The following VLDLR variants were observed in gnomAD, a reference collection of about 807,000 sequenced individuals.
The protein encoded by VLDLR is very low density lipoprotein receptor, also known as very low-density lipoprotein receptor.
In VLDLR, 81 loss-of-function variants were observed where a neutral mutation model predicts 112.7. That is an observed-to-expected ratio of 0.72 (90% CI 0.60 to 0.86). VLDLR has a LOEUF of 0.86. Ranked by LOEUF, VLDLR falls within the 40% of genes least tolerant of loss-of-function variation. The probability of loss-of-function intolerance (pLI) is 0.00; values close to 1 mark genes in which losing one functional copy is unlikely to be tolerated. For missense variants in VLDLR, 1,237 were observed against 1,099.4 expected (o/e 1.13, Z -1.77); for synonymous variants, 436 against 384.8 (o/e 1.13, Z -1.56).
rs1818717610 is a variant in VLDLR at position 2,659,271 on chromosome 9, T to C, written c.*5403T>C. 1 of 152,246 alleles carries C rather than the reference T, an allele frequency of 6.6e-6. No individual in the cohort carries two copies. The highest frequency in any genetic ancestry group is 2.4e-5 in the African/African-American group (1 of 41,456). 9.4% of individuals were successfully genotyped at this position (152,246 alleles called of 1,614,324 possible). ...TCTCTTAGAAGGGGATGCAGTACTGTACAAAGATTGAGCTGGATGTCGCAT... is the reference window on the plus strand; with the variant it reads ...TCTCTTAGAAGGGGATGCAGTACTGCACAAAGATTGAGCTGGATGTCGCAT... On this transcript the variant is annotated 3_prime_UTR_variant, in exon 19 of 19. Coordinates refer to ENST00000382100, the MANE Select transcript of VLDLR (RefSeq NM_003383.5).
chr9:2,633,366 C>T (rs1219539393), intron 1 of VLDLR, among the ~76,000 whole-genome samples: 3 of 152,056 alleles, frequency 2.0e-5, no homozygotes, highest in African/African-American at 7.2e-5. Context: ...AAATATCAGC[C>T]TTGGGATACT....
At chr9:2,635,664 C>G (rs1817572250) in intron 2 of VLDLR, 92 bp downstream of exon 2, 2 of 1,583,558 alleles carry the variant, frequency 1.3e-6, no homozygotes, top group African/African-American at 2.7e-5. Context: ...ATAAAATCCA[C>G]TTCTAACAAT....
intron 14 of VLDLR, among the ~76,000 whole-genome samples, chr9:2,649,592 A>T (rs1818227995): frequency 6.6e-6 from 1 of 152,108 alleles, no homozygotes; most frequent in African/African-American, 2.4e-5. Flanking sequence ...GGGTTTCACC[A>T]TGTTGGCCAG....
chr9:2,631,603 G>C (rs146724569), intron 1 of VLDLR, among the ~76,000 whole-genome samples: 27 of 152,248 alleles, frequency 1.8e-4, no homozygotes, highest in African/African-American at 5.5e-4. Context: ...GTATGTGGAA[G>C]CTTAAATATT....
At position 2,659,987 on chromosome 9, in the gene VLDLR, G is replaced by A. The variant is rs1818741534; in HGVS notation, c.*6119G>A. 1 of 152,142 alleles carries A rather than the reference G, an allele frequency of 6.6e-6. No individual in the cohort carries two copies. The highest frequency in any genetic ancestry group is 1.5e-5 in the Non-Finnish European group (1 of 68,018). The allele number at this position is 152,142 out of a possible 1,614,324, so 9.4% of individuals were successfully genotyped here. On this transcript the variant is annotated 3_prime_UTR_variant, in exon 19 of 19. Coordinates refer to ENST00000382100, the MANE Select transcript of VLDLR (RefSeq NM_003383.5). ...GGCACATGTTAGAATGCAGAGTCCT[G>A]ATGACCTGTCAATAAACTTTTTTTT... is the stretch of plus-strand genomic sequence containing the variant.
At position 2,646,553 on chromosome 9, in the gene VLDLR, G is replaced by A; in HGVS notation, c.1703+1G>A. 1 of 1,614,018 alleles carries A rather than the reference G, an allele frequency of 6.2e-7. No homozygotes were observed. The highest frequency in any genetic ancestry group is 8.5e-7 in the Non-Finnish European group (1 of 1,179,930). ...CCATAGCTGTGGACCCACTGTCTGG[G>A]TTTGTAGTCTGTTTTCCATCACAGA... On this transcript the variant is annotated splice_donor_variant, in intron 11 of 18. Coordinates refer to ENST00000382100, the MANE Select transcript of VLDLR (RefSeq NM_003383.5). LOFTEE classifies it high-confidence loss of function.
chr9:2,622,022 G>A lies in VLDLR; in HGVS notation c.-168G>A. 1.5e-6 allele frequency: 1 copy of A among 662,528 alleles called. No homozygotes were observed. Among genetic ancestry groups the A allele is most frequent in the South Asian group, 1.9e-5 (1 of 53,720 alleles). 41.0% of individuals were successfully genotyped at this position (662,528 alleles called of 1,614,324 possible). A position where few individuals can be genotyped will look rare whatever the true frequency, so the allele number is the denominator to read the frequency against. On this transcript the variant is annotated 5_prime_UTR_variant, in exon 1 of 19. Transcript: ENST00000382100. ...AGACTGTGCAAGTTGTAGGGGAGGG[G>A]GTGCCCTCTTCTTCCCCGCTCCCTT...
intron 2 of VLDLR, 107 bp from the exon 3 acceptor site, chr9:2,639,752 G>C (rs1256343344): frequency 8.3e-6 from 13 of 1,566,858 alleles, no homozygotes; most frequent in Non-Finnish European, 1.1e-5. Context: ...CATTGACTCA[G>C]CTTTTTTTTA....
intron 1 of VLDLR, among the ~76,000 whole-genome samples, chr9:2,632,718 T>G (rs978514693): frequency 2.6e-5 from 4 of 152,080 alleles, no homozygotes; most frequent in South Asian, 2.1e-4. Context: ...AACTTAACAG[T>G]GTTCCAGTCA....
chr9:2,646,638 C>A, intron 11 of VLDLR, 86 bp downstream of exon 11: 2 of 1,292,750 alleles, frequency 1.5e-6, no homozygotes, highest in Non-Finnish European at 2.2e-6. Flanking sequence ...GTACTCAAAT[C>A]TCAAGGTTTA....
At chr9:2,630,792 C>T (rs1406100130) in intron 1 of VLDLR, among the ~76,000 whole-genome samples, 1 of 152,116 alleles carries the variant, frequency 6.6e-6, no homozygotes, top group Non-Finnish European at 1.5e-5. Context: ...AAAGAGACCT[C>T]AAAAGCTTAG....
At chr9:2,635,706 A>G in intron 2 of VLDLR, 134 bp downstream of exon 2, 2 of 1,381,230 alleles carry the variant, frequency 1.4e-6, no homozygotes, top group Non-Finnish European at 2.0e-6. Flanking sequence ...TCTCTGTGTA[A>G]AGGAATAAAA....
intron 1 of VLDLR, among the ~76,000 whole-genome samples, chr9:2,628,819 A>AT (rs1297170234): frequency 6.6e-6 from 1 of 152,032 alleles, no homozygotes. Context: ...ACCCAAATAA[A>AT]TTTTTTCTGC....
At chr9:2,633,051 A>AGAGAGAGAGAGTGT (rs1460780869) in intron 1 of VLDLR, among the ~76,000 whole-genome samples, 17 of 115,468 alleles carry the variant, frequency 1.5e-4, no homozygotes, top group African/African-American at 5.7e-4. Flanking sequence ...AGAGAGAGAG[A>AGAGAGAGAGAGTGT]GTGTGTGTGT....
At chr9:2,634,677 T>C (rs952651616) in intron 1 of VLDLR, among the ~76,000 whole-genome samples, 1 of 152,188 alleles carries the variant, frequency 6.6e-6, no homozygotes, top group Non-Finnish European at 1.5e-5. Flanking sequence ...CACTTTCCTT[T>C]CCTCTCCTCT....
chr9:2,641,274 C>G, intron 3 of VLDLR, 103 bp from the exon 4 acceptor site: 1 of 1,573,888 alleles, frequency 6.4e-7, no homozygotes, highest in Admixed American at 1.7e-5. Context: ...ACCAGTGTGC[C>G]AGGCTACTGA....
intron 2 of VLDLR, among the ~76,000 whole-genome samples, chr9:2,637,776 C>T (rs1157067454): frequency 2.0e-5 from 3 of 152,034 alleles, no homozygotes; most frequent in Admixed American, 6.6e-5. Flanking sequence ...CCCGTCTCCA[C>T]TAAAAATACA....
At chr9:2,623,872 G>C (rs892490368) in intron 1 of VLDLR, among the ~76,000 whole-genome samples, 6 of 152,152 alleles carry the variant, frequency 3.9e-5, no homozygotes, top group African/African-American at 1.4e-4. Flanking sequence ...GCTTACAAGA[G>C]TTTCCAAACG....
chr9:2,645,941 A>C (rs1381845789), intron 10 of VLDLR, among the ~76,000 whole-genome samples, 196 bp downstream of exon 10: 2 of 152,202 alleles, frequency 1.3e-5, no homozygotes, highest in Non-Finnish European at 2.9e-5. Flanking sequence ...TTGTCTATGA[A>C]GTAAAAGATG....
Sources: gnomAD v4.1 joint callset for allele counts (sites outside exome capture counted in the v4.1 genomes callset) on GRCh38, gnomAD v4.1.1 for gene constraint, MANE v1.5 for transcripts, NCBI Gene and HGNC (gene_info 2026-07-23, HGNC 2026-07-21) for gene names.